The following TENM3 variants were observed in gnomAD, a reference collection of about 807,000 sequenced individuals.
TENM3 encodes the protein teneurin-3.
In TENM3, 63 loss-of-function variants were observed where a neutral mutation model predicts 255.1. The ratio of observed to expected loss-of-function variants is 0.25; its 90% CI spans 0.20 to 0.30. The LOEUF is 0.30. TENM3 is among the 10% of genes least tolerant of loss of function. The pLI is 1.00. For missense variants in TENM3, 2,929 were observed against 3,461.1 expected (o/e 0.85, Z 3.86); for synonymous variants, 1,306 against 1,322.3 (o/e 0.99, Z 0.27).
chr4:182,357,089 T>C (rs1016332488), intron 3 of TENM3, among the ~76,000 whole-genome samples: 1 of 152,194 alleles, frequency 6.6e-6, no homozygotes, highest in Non-Finnish European at 1.5e-5. Flanking sequence ...GGTGTATATG[T>C]GCCATATTTT....
intron 3 of TENM3, chr4:182,350,315 G>A (rs1289796245): frequency 1.3e-5 from 2 of 152,184 alleles, no homozygotes; most frequent in African/African-American, 4.8e-5. Flanking sequence ...TTATTCTTTT[G>A]CAAAACTAAC....
chr4:181,521,133 G>T, the TENM3 span, among the ~76,000 whole-genome samples: 2 of 152,148 alleles, frequency 1.3e-5, no homozygotes, highest in Non-Finnish European at 2.9e-5. Context: ...CTTAATTTGA[G>T]CAGCCATGGG....
the TENM3 span, among the ~76,000 whole-genome samples, chr4:181,732,931 A>G: frequency 2.5e-3 from 377 of 152,328 alleles, 1 homozygote; most frequent in African/African-American, 8.6e-3. Context: ...ATATTCGAAG[A>G]ATTAAAAAGT....
intron 3 of TENM3, among the ~76,000 whole-genome samples, chr4:182,454,706 CT>C (rs2151343043): frequency 6.6e-6 from 1 of 152,202 alleles, no homozygotes; most frequent in African/African-American, 2.4e-5. Context: ...GTTTATATTT[CT>C]TAACTTTATG....
At chr4:181,737,488 T>C in the TENM3 span, among the ~76,000 whole-genome samples, 6 of 152,084 alleles carry the variant, frequency 3.9e-5, no homozygotes, top group Admixed American at 3.9e-4. Context: ...CCCTGGTCAA[T>C]GTCGCTGGAA....
At chr4:181,522,736 A>T in the TENM3 span, 1 of 702,588 alleles carries the variant, frequency 1.4e-6, no homozygotes. Context: ...TCCTTGTTTC[A>T]TTCTTCTAAG....
chr4:181,993,497 G>A, the TENM3 span, among the ~76,000 whole-genome samples: 28,750 of 152,076 alleles, frequency 0.19, 2,838 homozygotes, highest in Admixed American at 0.24. Flanking sequence ...CTGCTGTGGC[G>A]AGGCATTTTT....
chr4:182,500,677 T>C (rs2151646930), intron 3 of TENM3, among the ~76,000 whole-genome samples: 1 of 152,116 alleles, frequency 6.6e-6, no homozygotes, highest in Non-Finnish European at 1.5e-5. Context: ...GAGAGACAAA[T>C]GTATGGGGAG....
intron 3 of TENM3, among the ~76,000 whole-genome samples, chr4:182,506,853 G>A (rs769617929): frequency 1.1e-4 from 17 of 152,014 alleles, no homozygotes; most frequent in Non-Finnish European, 1.9e-4. Flanking sequence ...GTACTTAAAC[G>A]GTCAATTCGA....
the TENM3 span, among the ~76,000 whole-genome samples, chr4:181,748,081 C>T: frequency 6.6e-6 from 1 of 151,890 alleles, no homozygotes; most frequent in Non-Finnish European, 1.5e-5. Flanking sequence ...CTGCTTTCTC[C>T]TCTCCTCCCC....
At chr4:181,769,408 G>A in the TENM3 span, among the ~76,000 whole-genome samples, 3 of 152,160 alleles carry the variant, frequency 2.0e-5, no homozygotes, top group African/African-American at 7.2e-5. Flanking sequence ...GACCTTGGGC[G>A]CTTTCACTGG....
At chr4:182,447,870 AT>A (rs1363049834) in intron 3 of TENM3, among the ~76,000 whole-genome samples, 1 of 152,168 alleles carries the variant, frequency 6.6e-6, no homozygotes, top group Non-Finnish European at 1.5e-5. Context: ...AGGGGATGGA[AT>A]GTTCTGGAAG....
intron 5 of TENM3, among the ~76,000 whole-genome samples, chr4:182,653,110 G>A (rs1404321033): frequency 1.3e-5 from 2 of 151,910 alleles, no homozygotes; most frequent in African/African-American, 2.4e-5. Flanking sequence ...TTTAATAAAT[G>A]TATTAAATAT....
the TENM3 span, among the ~76,000 whole-genome samples, chr4:181,952,987 T>A: frequency 6.6e-6 from 1 of 152,238 alleles, no homozygotes; most frequent in Non-Finnish European, 1.5e-5. Context: ...CGGGGGCTAC[T>A]GATGCGACTG....
chr4:182,495,772 G>A (rs763640342), intron 3 of TENM3, among the ~76,000 whole-genome samples: 21 of 152,120 alleles, frequency 1.4e-4, no homozygotes, highest in Non-Finnish European at 2.9e-4. Flanking sequence ...TTTTGAAAAC[G>A]GGATGTAATT....
At chr4:181,863,285 A>T in the TENM3 span, among the ~76,000 whole-genome samples, 1 of 152,158 alleles carries the variant, frequency 6.6e-6, no homozygotes, top group Non-Finnish European at 1.5e-5. Context: ...AACTGTAAGC[A>T]ATGCATTTTT....
In TENM3 at chr4:182,609,364, TA is replaced by T. The variant is rs1405949797; in HGVS notation, c.749+8204del. Among the ~76,000 whole-genome samples, 3 of 152,228 alleles carry T rather than the reference TA, an allele frequency of 2.0e-5. No homozygotes were observed. The East Asian group carries it at 5.8e-4, about 29-fold the overall frequency. On this transcript the variant is annotated intron_variant, in intron 4 of 27. Transcript: ENST00000511685. ...TTGCATATCTTTTTCTGCATTCCTTTATTTTTTCCTGGACAGGCTTTTGCCT... is the reference window on the plus strand; with the variant it reads ...TTGCATATCTTTTTCTGCATTCCTTTTTTTTTCCTGGACAGGCTTTTGCCT...
the TENM3 span, among the ~76,000 whole-genome samples, chr4:181,707,497 G>A: frequency 6.6e-6 from 1 of 152,174 alleles, no homozygotes; most frequent in African/African-American, 2.4e-5. Flanking sequence ...GTCCCTTTCT[G>A]GATCTTGGTC....
At chr4:181,897,316 A>T in the TENM3 span, among the ~76,000 whole-genome samples, 41 of 152,180 alleles carry the variant, frequency 2.7e-4, no homozygotes, top group Non-Finnish European at 1.3e-4. Flanking sequence ...TCCATACCTC[A>T]TTGATTTCAG....
Sources: gnomAD v4.1 joint callset for allele counts (sites outside exome capture counted in the v4.1 genomes callset) on GRCh38, gnomAD v4.1.1 for gene constraint, MANE v1.5 for transcripts, NCBI Gene and HGNC (gene_info 2026-07-23, HGNC 2026-07-21) for gene names.